PTPRD: variants seen among roughly 807,000 people sequenced by gnomAD.
The protein encoded by PTPRD is receptor-type tyrosine-protein phosphatase delta.
In PTPRD, 34 loss-of-function variants were observed where a neutral mutation model predicts 214.5. The ratio of observed to expected loss-of-function variants is 0.16; its 90% CI spans 0.12 to 0.21. The LOEUF (loss-of-function observed/expected upper bound fraction) is 0.21, where lower values mean the gene tolerates loss of function less well. PTPRD is among the 10% of genes least tolerant of loss of function. The probability of loss-of-function intolerance (pLI) is 1.00; values close to 1 mark genes in which losing one functional copy is unlikely to be tolerated. For missense variants in PTPRD, 2,545 were observed against 2,398.7 expected (o/e 1.06, Z -1.27); for synonymous variants, 1,128 against 845.7 (o/e 1.33, Z -5.79).
intron 39 of PTPRD, among the ~76,000 whole-genome samples, chr9:8,342,915 G>C (rs1853896788): frequency 6.6e-6 from 1 of 152,132 alleles, no homozygotes; most frequent in African/African-American, 2.4e-5. Flanking sequence ...TTGAAGGACA[G>C]GAAGGATGAG....
At chr9:8,637,931 GCACA>G in intron 12 of PTPRD, among the ~76,000 whole-genome samples, 1 of 152,026 alleles carries the variant, frequency 6.6e-6, no homozygotes, top group Admixed American at 6.5e-5. Context: ...AATGAAAAAT[GCACA>G]CACACACAAA....
At chr9:9,031,622 G>A (rs555394558) in intron 10 of PTPRD, among the ~76,000 whole-genome samples, 1 of 152,094 alleles carries the variant, frequency 6.6e-6, no homozygotes, top group East Asian at 1.9e-4. Context: ...CAATAAATAC[G>A]TGGTCCATCA....
intron 11 of PTPRD, among the ~76,000 whole-genome samples, chr9:8,847,020 A>T (rs1477763259): frequency 6.6e-6 from 1 of 152,190 alleles, no homozygotes; most frequent in East Asian, 1.9e-4. Flanking sequence ...GCCTTTCAAC[A>T]GATGATACCT....
chr9:8,323,578 G>C (rs979042534), intron 44 of PTPRD, among the ~76,000 whole-genome samples: 3 of 151,548 alleles, frequency 2.0e-5, no homozygotes, highest in Non-Finnish European at 4.4e-5. Flanking sequence ...CAAGACTTCA[G>C]TAGAGGAAGA....
chr9:8,328,376 C>T (rs547197139), intron 44 of PTPRD, among the ~76,000 whole-genome samples: 19 of 152,254 alleles, frequency 1.2e-4, no homozygotes, highest in African/African-American at 3.9e-4. Flanking sequence ...GGGTTGCTGT[C>T]GAGAGACCTG....
At chr9:9,570,352 G>C (rs2085980416) in intron 8 of PTPRD, among the ~76,000 whole-genome samples, 1 of 151,314 alleles carries the variant, frequency 6.6e-6, no homozygotes, top group African/African-American at 2.4e-5. Flanking sequence ...GATGTTACTT[G>C]TATGTCGTTT....
chr9:10,252,524 G>T (rs1333166333), intron 3 of PTPRD, among the ~76,000 whole-genome samples: 1 of 151,944 alleles, frequency 6.6e-6, no homozygotes. Context: ...AAGCCACCGA[G>T]CCCAACCCAG....
chr9:9,298,321 T>C (rs757141157), intron 9 of PTPRD, among the ~76,000 whole-genome samples: 1 of 151,674 alleles, frequency 6.6e-6, no homozygotes, highest in Non-Finnish European at 1.5e-5. Context: ...ATGAAAAGAT[T>C]TGAATATATG....
chr9:9,734,422 T>A (rs2098256564), intron 7 of PTPRD, 111 bp downstream of exon 7: 2 of 150,538 alleles, frequency 1.3e-5, no homozygotes, highest in Non-Finnish European at 3.0e-5. Flanking sequence ...AGGGGAGATT[T>A]TTTTTTAAGG....
At chr9:10,061,881 A>C (rs1167145496) in intron 3 of PTPRD, among the ~76,000 whole-genome samples, 3 of 152,124 alleles carry the variant, frequency 2.0e-5, no homozygotes, top group African/African-American at 7.2e-5. Context: ...CTGCAGCTTT[A>C]TTATCACCCG....
At chr9:9,226,087 T>C (rs1211615318) in intron 9 of PTPRD, among the ~76,000 whole-genome samples, 2 of 151,984 alleles carry the variant, frequency 1.3e-5, no homozygotes, top group East Asian at 1.9e-4. Context: ...TAAAAATGAA[T>C]TGACGTTACC....
At chr9:8,907,537 T>A (rs10977351) in intron 11 of PTPRD, among the ~76,000 whole-genome samples, 33,547 of 122,142 alleles carry the variant, frequency 0.27, 5,713 homozygotes, top group Non-Finnish European at 0.37. Context: ...AAAAAAAATA[T>A]ATATATATAT....
chr9:9,940,557 T>G (rs138068157), intron 4 of PTPRD, among the ~76,000 whole-genome samples: 1 of 152,320 alleles, frequency 6.6e-6, no homozygotes, highest in Non-Finnish European at 1.5e-5. Flanking sequence ...AATCTTGATA[T>G]CATTATCTGT....
chr9:8,394,580 G>T (rs2090572970), intron 36 of PTPRD, among the ~76,000 whole-genome samples: 1 of 152,126 alleles, frequency 6.6e-6, no homozygotes, highest in African/African-American at 2.4e-5. Flanking sequence ...AACTGTAATT[G>T]TTTATTTGCT....
intron 2 of PTPRD, among the ~76,000 whole-genome samples, chr9:10,398,766 T>C (rs181251690): frequency 7.4e-4 from 113 of 152,122 alleles, no homozygotes; most frequent in South Asian, 2.5e-3. Flanking sequence ...GTTTTTAATA[T>C]GGAAGACCTT....
At chr9:10,059,843 C>T (rs2097725196) in intron 3 of PTPRD, among the ~76,000 whole-genome samples, 1 of 150,858 alleles carries the variant, frequency 6.6e-6, no homozygotes, top group Non-Finnish European at 1.5e-5. Context: ...AATAAGGTTA[C>T]TTTGGAAAAT....
intron 21 of PTPRD, among the ~76,000 whole-genome samples, chr9:8,512,647 T>C (rs1043686787): frequency 1.3e-5 from 2 of 151,990 alleles, no homozygotes; most frequent in African/African-American, 4.8e-5. Context: ...TACTAGTCAT[T>C]AGTATTTGAT....
chr9:8,590,550 G>A (rs2094018695), intron 14 of PTPRD, among the ~76,000 whole-genome samples: 1 of 152,084 alleles, frequency 6.6e-6, no homozygotes, highest in Non-Finnish European at 1.5e-5. Context: ...TTTGAAGCCT[G>A]TAGCTACTTT....
chr9:10,020,181 T>C (rs1443760007), intron 4 of PTPRD, among the ~76,000 whole-genome samples: 1 of 152,248 alleles, frequency 6.6e-6, no homozygotes, highest in Non-Finnish European at 1.5e-5. Context: ...CCAAACAGTA[T>C]TTTTAAAAGT....
Sources: allele counts gnomAD v4.1 joint callset (sites outside exome capture counted in the v4.1 genomes callset), GRCh38; gene constraint gnomAD v4.1.1; transcripts MANE v1.5; gene names NCBI Gene and HGNC (gene_info 2026-07-23, HGNC 2026-07-21).